Variants in WARS1 observed in about 807,000 individuals in gnomAD.
WARS1 encodes tryptophanyl-tRNA synthetase 1, also known as tryptophan--tRNA ligase, cytoplasmic.
A neutral mutation model predicts 47.8 loss-of-function variants in WARS1; 17 were observed. The observed-to-expected ratio is 0.36, with a 90% CI of 0.24 to 0.53. WARS1 has a LOEUF of 0.53. Ranked by LOEUF, WARS1 falls within the 20% of genes least tolerant of loss-of-function variation. The probability of loss-of-function intolerance (pLI) is 0.91; values close to 1 mark genes in which losing one functional copy is unlikely to be tolerated. For synonymous variants in WARS1, 208 were observed against 228.1 expected, an observed-to-expected ratio of 0.91 and a Z score of 0.79; for missense variants, 434 against 608.0, an observed-to-expected ratio of 0.71 and a Z score of 3.01.
intron 6 of WARS1, among the ~76,000 whole-genome samples, chr14:100,351,186 C>T (rs1894955579): frequency 6.6e-6 from 1 of 152,060 alleles, no homozygotes; most frequent in Non-Finnish European, 1.5e-5. Context: ...AGATCACTGG[C>T]TGGTGGGGGC....
chr14:100,361,608 T>G (rs1240233607), intron 3 of WARS1, 100 bp downstream of exon 3: 2 of 1,287,842 alleles, frequency 1.6e-6, no homozygotes, highest in Non-Finnish European at 2.2e-6. Context: ...CTTCACTGAA[T>G]TTATGATTAA....
At chr14:100,354,188 C>T in intron 5 of WARS1, 1 of 519,844 alleles carries the variant, frequency 1.9e-6, no homozygotes, top group South Asian at 2.6e-5. Context: ...GTAGCAGGCC[C>T]ATGGCCATGC....
chr14:100,346,247 A>G (rs952383888), intron 7 of WARS1, among the ~76,000 whole-genome samples: 3 of 152,192 alleles, frequency 2.0e-5, no homozygotes, highest in African/African-American at 7.2e-5. Flanking sequence ...CCATGGAAGG[A>G]GAGCAGGGCA....
At chr14:100,361,578 A>ATTTTTTT in intron 3 of WARS1, 130 bp downstream of exon 3, 1 of 888,566 alleles carries the variant, frequency 1.1e-6, no homozygotes, top group Non-Finnish European at 1.7e-6. Context: ...TTTAGTATCC[A>ATTTTTTT]TTTTTTCTTG....
chr14:100,339,281 G>A (rs192923720), intron 9 of WARS1, among the ~76,000 whole-genome samples: 47 of 152,068 alleles, frequency 3.1e-4, no homozygotes, highest in African/African-American at 9.9e-4. Context: ...CAGCAGTCAC[G>A]CGAGAGGCTC....
Position 100,346,740 on chromosome 14 carries a change from T to G in WARS1, c.826+6A>C. 6.2e-7 allele frequency: 1 copy of G among 1,612,232 alleles called. No individual in the cohort carries two copies. The highest frequency in any genetic ancestry group is 1.1e-5 in the South Asian group (1 of 91,026). ...GAGTGGTCCACAGCAGCAGTGGGCC[T>G]CTTACCAATGCAGTCGCTGTCAGTG... On this transcript the variant is annotated splice_donor_region_variant and intron_variant, in intron 7 of 10. Coordinates refer to ENST00000392882, the MANE Select transcript of WARS1 (RefSeq NM_004184.4).
At chr14:100,336,503 T>A (rs574483846) in intron 10 of WARS1, among the ~76,000 whole-genome samples, 17 of 152,324 alleles carry the variant, frequency 1.1e-4, no homozygotes, top group African/African-American at 4.1e-4. Context: ...GAGTCTGTGT[T>A]GAACTTTTTG....
At chr14:100,372,752 C>T (rs1324303505) in intron 1 of WARS1, among the ~76,000 whole-genome samples, 1 of 152,140 alleles carries the variant, frequency 6.6e-6, no homozygotes, top group East Asian at 1.9e-4. Context: ...CTCTATGTGC[C>T]CTGCAATAGC....
chr14:100,339,494 G>A (rs1894003294), intron 9 of WARS1, among the ~76,000 whole-genome samples: 1 of 149,720 alleles, frequency 6.7e-6, no homozygotes, highest in South Asian at 2.1e-4. Flanking sequence ...GGAGCCTTGA[G>A]GCAGGAGAAT....
intron 6 of WARS1, 145 bp downstream of exon 6, chr14:100,353,542 C>G (rs968284208): frequency 4.8e-6 from 5 of 1,045,016 alleles, no homozygotes; most frequent in Non-Finnish European, 6.7e-6. Context: ...GCCACCATGG[C>G]TGGCCACTCA....
At chr14:100,366,171 C>A (rs570963532) in intron 2 of WARS1, 1 of 450,670 alleles carries the variant, frequency 2.2e-6, no homozygotes, top group East Asian at 7.0e-5. Flanking sequence ...GAATAGGGAG[C>A]TTCGGGGAAG....
chr14:100,367,897 T>G (rs1461827781), intron 2 of WARS1, among the ~76,000 whole-genome samples: 1 of 152,186 alleles, frequency 6.6e-6, no homozygotes. Context: ...TAGAAATATT[T>G]CCTTTGCAAT....
chr14:100,339,362 C>T (rs548808535), intron 9 of WARS1, among the ~76,000 whole-genome samples: 27 of 152,190 alleles, frequency 1.8e-4, no homozygotes, highest in Admixed American at 5.9e-4. Context: ...GAGGCCAAGG[C>T]GGGCAGATTA....
intron 2 of WARS1, among the ~76,000 whole-genome samples, chr14:100,368,686 C>A (rs149742887): frequency 6.6e-6 from 1 of 152,304 alleles, no homozygotes; most frequent in East Asian, 1.9e-4. Flanking sequence ...CCAAGGCTGG[C>A]GTGGTGGCTC....
At position 100,335,042 on chromosome 14, in the gene WARS1, C is replaced by G. The variant is rs1398558955; in HGVS notation, c.1255-6G>C. 1 of 1,610,926 alleles carries G rather than the reference C, an allele frequency of 6.2e-7. No homozygotes were observed. Among genetic ancestry groups the G allele is most frequent in the East Asian group, 2.2e-5 (1 of 44,810 alleles). ...ATGGCTCCGCTGGTGTAATCCTGCC[C>G]GGAGGGAGACAGCCACGTGAGAGAT... is the stretch of plus-strand genomic sequence containing the variant. On this transcript the variant is annotated splice_polypyrimidine_tract_variant and splice_region_variant and intron_variant, in intron 10 of 10. Coordinates refer to ENST00000392882, the MANE Select transcript of WARS1 (RefSeq NM_004184.4).
chr14:100,358,717 C>G (rs1191585236), intron 4 of WARS1, among the ~76,000 whole-genome samples: 4 of 152,172 alleles, frequency 2.6e-5, no homozygotes, highest in African/African-American at 9.7e-5. Context: ...CTTCAAAGGA[C>G]TATCAGTAGA....
chr14:100,360,804 A>ACC (rs769049066), intron 3 of WARS1, 142 bp from the exon 4 acceptor site: 13 of 514,220 alleles, frequency 2.5e-5, no homozygotes, highest in Non-Finnish European at 4.2e-5. Flanking sequence ...AAAGGTCCTT[A>ACC]CCCCCAACAT....
intron 10 of WARS1, chr14:100,336,815 A>G: frequency 2.3e-6 from 1 of 438,772 alleles, no homozygotes; most frequent in Non-Finnish European, 4.1e-6. Context: ...CTGATGACTA[A>G]TAAAGCAAGA....
upstream of WARS1, chr14:100,375,398 G>A (rs78523130): frequency 0.031 from 4,664 of 152,300 alleles, 105 homozygotes; most frequent in East Asian, 0.078. Context: ...CTTTCTTTCA[G>A]TTTCCCTTCT....
Sources: gnomAD v4.1 joint callset for allele counts (sites outside exome capture counted in the v4.1 genomes callset) on GRCh38, gnomAD v4.1.1 for gene constraint, MANE v1.5 for transcripts, NCBI Gene and HGNC (gene_info 2026-07-23, HGNC 2026-07-21) for gene names.